SEMA3A: variants seen among roughly 807,000 people sequenced by gnomAD.
The protein encoded by SEMA3A is semaphorin-3A.
A neutral mutation model predicts 97.9 loss-of-function variants in SEMA3A; 29 were observed. The observed-to-expected ratio is 0.30, with a 90% CI of 0.22 to 0.40. The LOEUF (loss-of-function observed/expected upper bound fraction) is 0.40. SEMA3A is among the 10% of genes least tolerant of loss of function. The pLI is 1.00. For missense variants in SEMA3A, 763 were observed against 951.3 expected (o/e 0.80, Z 2.60); for synonymous variants, 321 against 323.7 (o/e 0.99, Z 0.09).
chr7:84,129,168 A>G lies in SEMA3A; in HGVS notation c.288T>C (p.Ser96=). Residue 96 remains serine, a synonymous_variant, in exon 3 of 17, where the codon TCT becomes TCC. Transcript: ENST00000265362. ...KDFQKIVWPV[S]YTRRDECKWA... is the part of the protein sequence containing the mutation. ...ACTTGCATTCATCTCTTCTGGTGTA[A>G]GATACTGGCCACACAATCTAAGGAC... 1 of 1,613,050 alleles carries G rather than the reference A, an allele frequency of 6.2e-7. No individual in the cohort carries two copies. The highest frequency in any genetic ancestry group is 8.5e-7 in the Non-Finnish European group (1 of 1,179,132).
At chr7:84,232,899 C>T (rs1425631253) in intron 3 of SEMA3A, among the ~76,000 whole-genome samples, 1 of 151,954 alleles carries the variant, frequency 6.6e-6, no homozygotes, top group African/African-American at 2.4e-5. Flanking sequence ...CAAGTGTCAG[C>T]TCTTCCCCTA....
chr7:84,366,019 T>C (rs1303176714), intron 2 of SEMA3A, among the ~76,000 whole-genome samples: 1 of 151,474 alleles, frequency 6.6e-6, no homozygotes, highest in Non-Finnish European at 1.5e-5. Context: ...ATGATTTAAA[T>C]ATCACATTTG....
chr7:84,325,932 T>C (rs922805454), intron 2 of SEMA3A, among the ~76,000 whole-genome samples: 1 of 152,058 alleles, frequency 6.6e-6, no homozygotes, highest in African/African-American at 2.4e-5. Context: ...AACACTAGTA[T>C]CCACTGTTCT....
intron 2 of SEMA3A, among the ~76,000 whole-genome samples, chr7:84,330,038 T>C (rs932117754): frequency 2.0e-5 from 3 of 152,056 alleles, no homozygotes; most frequent in Non-Finnish European, 4.4e-5. Flanking sequence ...CACTTTTACC[T>C]AATAAGCAAA....
chr7:84,039,617 C>A (rs1792063733), intron 6 of SEMA3A, among the ~76,000 whole-genome samples: 1 of 152,016 alleles, frequency 6.6e-6, no homozygotes, highest in Admixed American at 6.6e-5. Context: ...TGACAGGCAG[C>A]AGAATCTGGA....
intron 16 of SEMA3A, 110 bp from the exon 17 acceptor site, chr7:83,961,936 C>G: frequency 1.4e-6 from 1 of 726,888 alleles, no homozygotes; most frequent in Non-Finnish European, 2.1e-6. Flanking sequence ...CACATTTTAA[C>G]AGTTAATAAA....
chr7:84,096,645 GA>G (rs1583960620), intron 4 of SEMA3A, among the ~76,000 whole-genome samples: 1 of 151,982 alleles, frequency 6.6e-6, no homozygotes, highest in East Asian at 1.9e-4. Context: ...TGAATAGGAT[GA>G]AATTTTTTGT....
chr7:84,318,421 C>T (rs1488512961), intron 2 of SEMA3A, among the ~76,000 whole-genome samples: 1 of 140,126 alleles, frequency 7.1e-6, no homozygotes, highest in African/African-American at 2.7e-5. Flanking sequence ...CTCCCGGGTT[C>T]ACGCCATTCT....
In SEMA3A at chr7:84,085,596, A is replaced by T. The variant is rs116930390; in HGVS notation, c.453+24874T>A. The stretch of plus-strand genomic sequence containing the variant: ...AATGTTTATTTTTTTGCAAATAAAA[A>T]TGTCTGTTAACATTTAACAGGGAAA... On this transcript the variant is annotated intron_variant, in intron 4 of 16. Coordinates refer to ENST00000265362, the MANE Select transcript of SEMA3A (RefSeq NM_006080.3). 8.5e-5 allele frequency among the ~76,000 whole-genome samples: 13 copies of T among 152,252 alleles called. No homozygotes were observed. The East Asian group carries it at 2.5e-3, about 29-fold the overall frequency.
At chr7:83,974,283 CTT>C (rs1261794131) in intron 15 of SEMA3A, among the ~76,000 whole-genome samples, 3 of 152,134 alleles carry the variant, frequency 2.0e-5, no homozygotes, top group African/African-American at 7.2e-5. Flanking sequence ...ACTCGAGCCA[CTT>C]TACATATAAG....
At chr7:84,378,579 G>A (rs1317635665) in intron 1 of SEMA3A, among the ~76,000 whole-genome samples, 3 of 152,054 alleles carry the variant, frequency 2.0e-5, no homozygotes, top group East Asian at 1.9e-4. Flanking sequence ...GCAAGGGGAC[G>A]GATAGCATTA....
chr7:84,239,899 T>C (rs901951096), intron 3 of SEMA3A, among the ~76,000 whole-genome samples: 7 of 152,120 alleles, frequency 4.6e-5, no homozygotes, highest in African/African-American at 7.2e-5. Flanking sequence ...CAAATAAATA[T>C]TAAGTTGTGA....
chr7:84,377,585 A>C (rs887916655), intron 1 of SEMA3A, among the ~76,000 whole-genome samples: 1 of 152,058 alleles, frequency 6.6e-6, no homozygotes, highest in Non-Finnish European at 1.5e-5. Flanking sequence ...GGTTATGTCA[A>C]TGTCTTTTGT....
At chr7:84,229,973 A>G (rs983757411) in intron 3 of SEMA3A, among the ~76,000 whole-genome samples, 1 of 151,886 alleles carries the variant, frequency 6.6e-6, no homozygotes, top group Admixed American at 6.6e-5. Context: ...ACTGGCTCTG[A>G]TCTTACCCCC....
intron 12 of SEMA3A, among the ~76,000 whole-genome samples, chr7:83,989,097 T>C (rs1789771332): frequency 6.6e-6 from 1 of 152,048 alleles, no homozygotes; most frequent in Non-Finnish European, 1.5e-5. Context: ...ACATGAAAAA[T>C]AGTTATGTGG....
intron 3 of SEMA3A, among the ~76,000 whole-genome samples, chr7:84,291,499 C>T (rs1800744986): frequency 6.6e-6 from 1 of 151,886 alleles, no homozygotes; most frequent in South Asian, 2.1e-4. Context: ...ATTTTCATGA[C>T]CTATCAGAAA....
chr7:84,000,885 G>T (rs1790413304), intron 12 of SEMA3A, among the ~76,000 whole-genome samples: 1 of 152,048 alleles, frequency 6.6e-6, no homozygotes, highest in Non-Finnish European at 1.5e-5. Context: ...AATTGTTGGG[G>T]TAAGACATCT....
chr7:84,465,270 G>C (rs115503001), intron 1 of SEMA3A, among the ~76,000 whole-genome samples: 7 of 152,158 alleles, frequency 4.6e-5, no homozygotes, highest in African/African-American at 1.7e-4. Flanking sequence ...AACTGGATAA[G>C]GATTGACTAT....
chr7:84,447,834 C>T (rs1187850037), intron 1 of SEMA3A, among the ~76,000 whole-genome samples: 1 of 152,158 alleles, frequency 6.6e-6, no homozygotes, highest in Admixed American at 6.5e-5. Context: ...TTCAGGAAGC[C>T]CAGACCTAGG....
Sources: gnomAD v4.1 joint callset for allele counts (sites outside exome capture counted in the v4.1 genomes callset) on GRCh38, gnomAD v4.1.1 for gene constraint, MANE v1.5 for transcripts, NCBI Gene and HGNC (gene_info 2026-07-23, HGNC 2026-07-21) for gene names.